PTPRJ: variants seen among roughly 807,000 people sequenced by gnomAD.
The protein encoded by PTPRJ is protein tyrosine phosphatase receptor type J.
PTPRJ carries 129 observed loss-of-function variants against 141.3 expected under a neutral mutation model. That is an observed-to-expected ratio of 0.91 (90% CI 0.79 to 1.06). The LOEUF (loss-of-function observed/expected upper bound fraction) is 1.06. Among genes scored for constraint, PTPRJ ranks in the 50% least tolerant of loss-of-function variants. The probability of loss-of-function intolerance (pLI) is 0.00; values close to 1 mark genes in which losing one functional copy is unlikely to be tolerated. For missense variants in PTPRJ, 1,601 were observed against 1,679.7 expected, an observed-to-expected ratio of 0.95 and a Z score of 0.82; for synonymous variants, 610 against 640.5, an observed-to-expected ratio of 0.95 and a Z score of 0.72.
chr11:48,011,500 G>C (rs1854786579), intron 1 of PTPRJ, among the ~76,000 whole-genome samples: 1 of 152,150 alleles, frequency 6.6e-6, no homozygotes, highest in Non-Finnish European at 1.5e-5. Context: ...CTCAGAATAT[G>C]ATGGGCCAGT....
intron 1 of PTPRJ, among the ~76,000 whole-genome samples, chr11:48,003,081 G>T (rs568545560): frequency 6.6e-6 from 1 of 152,240 alleles, no homozygotes; most frequent in Admixed American, 6.5e-5. Context: ...ACCGTTTCAG[G>T]TCCTTTAATG....
intron 1 of PTPRJ, among the ~76,000 whole-genome samples, chr11:48,063,020 T>A (rs1459411418): frequency 6.6e-6 from 1 of 152,142 alleles, no homozygotes; most frequent in Non-Finnish European, 1.5e-5. Flanking sequence ...AGAGAACTGA[T>A]GCCTATATTT....
At chr11:48,040,612 C>CTTTTTTTTTT (rs398055231) in intron 1 of PTPRJ, among the ~76,000 whole-genome samples, 1 of 135,420 alleles carries the variant, frequency 7.4e-6, no homozygotes, top group African/African-American at 2.9e-5. Context: ...TCTTCTTCTT[C>CTTTTTTTTTT]TTTTTTTTTT....
At chr11:48,090,628 G>C (rs1855844847) in intron 1 of PTPRJ, among the ~76,000 whole-genome samples, 1 of 152,218 alleles carries the variant, frequency 6.6e-6, no homozygotes, top group Admixed American at 6.5e-5. Context: ...GCATACCTCA[G>C]TGTCAGAGAA....
intron 1 of PTPRJ, among the ~76,000 whole-genome samples, chr11:48,105,863 C>T (rs1045394629): frequency 3.9e-5 from 6 of 152,228 alleles, no homozygotes; most frequent in Middle Eastern, 3.4e-3. Context: ...GCCAGTCTGG[C>T]GAGAGACCCT....
At chr11:48,084,395 G>T (rs1855641583) in intron 1 of PTPRJ, among the ~76,000 whole-genome samples, 3 of 152,110 alleles carry the variant, frequency 2.0e-5, no homozygotes. Flanking sequence ...TGCTGGCCAG[G>T]CTTGTCTCGA....
chr11:48,079,766 T>C (rs1482162067), intron 1 of PTPRJ, among the ~76,000 whole-genome samples: 1 of 152,124 alleles, frequency 6.6e-6, no homozygotes, highest in African/African-American at 2.4e-5. Context: ...CGCTTGCCTT[T>C]AGGGGAAGCT....
At chr11:47,987,373 A>C (rs1854078669) in intron 1 of PTPRJ, among the ~76,000 whole-genome samples, 1 of 152,182 alleles carries the variant, frequency 6.6e-6, no homozygotes, top group Non-Finnish European at 1.5e-5. Context: ...CATTGGGTAA[A>C]TAATTATGTG....
intron 4 of PTPRJ, among the ~76,000 whole-genome samples, chr11:48,121,777 C>G (rs1405846464): frequency 1.3e-5 from 2 of 151,998 alleles, no homozygotes; most frequent in African/African-American, 2.4e-5. Context: ...CCGAAGCCAT[C>G]TATTATAGCT....
At chr11:48,047,427 C>T (rs911333327) in intron 1 of PTPRJ, among the ~76,000 whole-genome samples, 17 of 151,950 alleles carry the variant, frequency 1.1e-4, no homozygotes, top group African/African-American at 3.1e-4. Flanking sequence ...AGGGGTCTCC[C>T]GGTTAGGGTT....
rs371185970 is a variant in PTPRJ at position 48,004,878 on chromosome 11, GC to G, written c.96+23871del. Among the ~76,000 whole-genome samples the G allele has an allele frequency of 9.9e-5, 15 of 152,262 alleles. No individual in the cohort carries two copies. In the East Asian group the frequency reaches 2.7e-3, roughly 27 times the overall value. ...TTTTGATGGCAATATAAAAATACCA[GC>G]TTTGTTGAGATATAATTTACATACA... On this transcript the variant is annotated intron_variant, in intron 1 of 24. Coordinates refer to ENST00000418331, the MANE Select transcript of PTPRJ (RefSeq NM_002843.4).
chr11:48,104,268 C>T (rs1366174866), intron 1 of PTPRJ, among the ~76,000 whole-genome samples: 2 of 152,084 alleles, frequency 1.3e-5, no homozygotes, highest in Non-Finnish European at 2.9e-5. Context: ...GTGGGAGGGC[C>T]CACCCAGCCT....
intron 1 of PTPRJ, among the ~76,000 whole-genome samples, chr11:48,013,866 C>A (rs1264866503): frequency 6.6e-6 from 1 of 152,156 alleles, no homozygotes; most frequent in East Asian, 1.9e-4. Context: ...GAAGACCTTC[C>A]GCTGGCCCCA....
intron 1 of PTPRJ, among the ~76,000 whole-genome samples, chr11:48,071,189 G>A (rs1010373154): frequency 5.3e-5 from 8 of 152,130 alleles, no homozygotes; most frequent in African/African-American, 1.7e-4. Context: ...ATGGGGTTCC[G>A]AACAGATATA....
chr11:48,121,180 G>A lies in PTPRJ; in HGVS notation c.530G>A (p.Arg177His), dbSNP rs756907782. The A allele has an allele frequency of 4.3e-6, 7 of 1,613,932 alleles. No individual in the cohort carries two copies. The Admixed American group carries it at 5.0e-5, about 12-fold the overall frequency. ...HQPWCNITGL[R>H]PATSYVFSIT... is the part of the protein sequence containing the mutation. ...CCATGGTGTAACATCACAGGCTTAC[G>A]TCCAGCGACTTCATATGTATTCTCC... The change falls in exon 4 of 25, where the codon CGT becomes CAT. Residue 177 changes from arginine (R) to histidine (H), a missense_variant. Arg to His is a conservative substitution (Grantham distance 29). Transcript: ENST00000418331.
chr11:48,027,232 C>A (rs917333967), intron 1 of PTPRJ, among the ~76,000 whole-genome samples: 2 of 151,496 alleles, frequency 1.3e-5, no homozygotes, highest in Non-Finnish European at 2.9e-5. Context: ...TGGTCTTGAT[C>A]TCCTGACCTT....
intron 1 of PTPRJ, among the ~76,000 whole-genome samples, chr11:48,024,980 G>A (rs968545741): frequency 1.3e-5 from 2 of 152,248 alleles, no homozygotes; most frequent in Non-Finnish European, 2.9e-5. Context: ...TAGGCTTGCT[G>A]CCTAATCCCC....
intron 11 of PTPRJ, among the ~76,000 whole-genome samples, chr11:48,141,459 TG>T (rs535920566): frequency 3.4e-4 from 52 of 152,104 alleles, no homozygotes; most frequent in Non-Finnish European, 6.6e-4. Flanking sequence ...GGGAAAAATG[TG>T]GGGACTGTTT....
At chr11:48,100,118 A>C (rs1213169461) in intron 1 of PTPRJ, among the ~76,000 whole-genome samples, 1 of 152,024 alleles carries the variant, frequency 6.6e-6, no homozygotes, top group Non-Finnish European at 1.5e-5. Context: ...CCTTGGGTGG[A>C]GGTGGGGTGG....
Sources: allele counts gnomAD v4.1 joint callset (sites outside exome capture counted in the v4.1 genomes callset), GRCh38; gene constraint gnomAD v4.1.1; transcripts MANE v1.5; gene names NCBI Gene and HGNC (gene_info 2026-07-23, HGNC 2026-07-21).